The following MALRD1 variants were observed in gnomAD, a reference collection of about 807,000 sequenced individuals.
MALRD1 encodes the protein MAM and LDL receptor class A domain containing 1, also known as MAM and LDL-receptor class A domain-containing protein 1.
A neutral mutation model predicts 242.1 loss-of-function variants in MALRD1; 247 were observed. That is an observed-to-expected ratio of 1.02 (90% CI 0.92 to 1.13). MALRD1 has a LOEUF of 1.13. Ranked by LOEUF, MALRD1 falls within the 50% of genes most tolerant of loss-of-function variation. MALRD1 has a pLI of 0.00. For synonymous variants in MALRD1, 995 were observed against 866.6 expected (o/e 1.15, Z -2.60); for missense variants, 2,989 against 2,533.1 (o/e 1.18, Z -3.86).
chr10:19,239,275 T>A (rs11597026), intron 18 of MALRD1, among the ~76,000 whole-genome samples: 19,953 of 152,032 alleles, frequency 0.13, 1,655 homozygotes, highest in Admixed American at 0.27. Context: ...GGTCAGGCTG[T>A]TCTCAAACTC....
In MALRD1 at chr10:19,545,137, T is replaced by C. The variant is rs554010957; in HGVS notation, c.5478+13786T>C. 2.0e-5 allele frequency among the ~76,000 whole-genome samples: 3 copies of C among 152,298 alleles called. No homozygotes were observed. The East Asian group carries it at 5.8e-4, about 29-fold the overall frequency. On this transcript the variant is annotated intron_variant, in intron 32 of 39. Transcript: ENST00000454679. The stretch of plus-strand genomic sequence containing the variant: ...CCTTTCCACTGTCCTCACAAGGTCT[T>C]CCCTCTATGCAGGCATATCTATCCC...
At chr10:19,502,617 A>AT (rs902506426) in intron 31 of MALRD1, among the ~76,000 whole-genome samples, 4 of 152,288 alleles carry the variant, frequency 2.6e-5, no homozygotes, top group Admixed American at 2.6e-4. Flanking sequence ...AATATATGGG[A>AT]TTTTTTGAGA....
At chr10:19,344,588 C>T (rs922516672) in intron 24 of MALRD1, among the ~76,000 whole-genome samples, 1 of 151,828 alleles carries the variant, frequency 6.6e-6, no homozygotes, top group Non-Finnish European at 1.5e-5. Flanking sequence ...ATTAATTCCT[C>T]CTAATTCATT....
At chr10:19,150,924 C>T (rs1353969942) in intron 11 of MALRD1, among the ~76,000 whole-genome samples, 4 of 152,002 alleles carry the variant, frequency 2.6e-5, no homozygotes, top group Non-Finnish European at 5.9e-5. Context: ...AGGATACTTT[C>T]GATTTTATGC....
At chr10:19,361,581 A>G (rs1591343) in intron 26 of MALRD1, among the ~76,000 whole-genome samples, 118,674 of 151,676 alleles carry the variant, frequency 0.78, 46,987 homozygotes, top group African/African-American at 0.9. Context: ...TAACTAGGAT[A>G]TTTAACTGAA....
chr10:19,254,923 T>C (rs1839438339), intron 18 of MALRD1, among the ~76,000 whole-genome samples: 1 of 152,034 alleles, frequency 6.6e-6, no homozygotes, highest in African/African-American at 2.4e-5. Context: ...AAACATGTGT[T>C]TGTATGTGAG....
Position 19,123,539 on chromosome 10 carries a change from T to C in MALRD1, c.742T>C (p.Cys248Arg), listed in dbSNP as rs1837143889. 7 of 1,233,716 alleles carry C rather than the reference T, an allele frequency of 5.7e-6. No homozygotes were observed. The highest frequency in any genetic ancestry group is 7.1e-6 in the Non-Finnish European group (7 of 988,082). The allele number at this position is 1,233,716 out of a possible 1,614,324, so 76.4% of individuals were successfully genotyped here. The change falls in exon 6 of 40, where the codon TGC (cysteine) becomes CGC (arginine). Residue 248 changes from cysteine (C) to arginine (R), a missense_variant. Physicochemically the swap from Cys to Arg is radical, Grantham distance 180 (BLOSUM62 -3). Transcript: ENST00000454679. ...AGCATTGAATGCTGAGCGGGAGCTA[T>C]GCCATCCAGATACAGATCTCTGCAG... Reference protein sequence around the residue: ...QEALNAERELCHPDTDLCRFD... With the variant: ...QEALNAERELRHPDTDLCRFD...
chr10:19,657,131 C>A (rs1376817923), intron 36 of MALRD1, among the ~76,000 whole-genome samples: 1 of 152,114 alleles, frequency 6.6e-6, no homozygotes, highest in Non-Finnish European at 1.5e-5. Context: ...ATTCCTTTAC[C>A]CTTGATACTG....
intron 28 of MALRD1, among the ~76,000 whole-genome samples, chr10:19,407,408 G>GGAGT (rs1206095277): frequency 1.3e-5 from 2 of 152,110 alleles, no homozygotes; most frequent in Non-Finnish European, 2.9e-5. Context: ...CTGGAGCGCA[G>GGAGT]GAGTTCAAGG....
intron 21 of MALRD1, among the ~76,000 whole-genome samples, chr10:19,304,396 A>G (rs1173635475): frequency 1.3e-5 from 2 of 151,386 alleles, no homozygotes; most frequent in African/African-American, 4.8e-5. Flanking sequence ...ATCATCATCT[A>G]TCTATATCCT....
chr10:19,608,039 A>G, intron 35 of MALRD1, 137 bp downstream of exon 35: 2 of 1,213,476 alleles, frequency 1.6e-6, no homozygotes, highest in Non-Finnish European at 2.2e-6. Flanking sequence ...GTTTGGGGGC[A>G]GAAAGAATGT....
At chr10:19,271,603 AAC>A (rs1302398638) in intron 19 of MALRD1, among the ~76,000 whole-genome samples, 1 of 152,100 alleles carries the variant, frequency 6.6e-6, no homozygotes, top group African/African-American at 2.4e-5. Flanking sequence ...CTCTACCAAA[AAC>A]ACAAAAAACT....
At chr10:19,691,501 C>G (rs930508323) in intron 36 of MALRD1, among the ~76,000 whole-genome samples, 2 of 152,070 alleles carry the variant, frequency 1.3e-5, no homozygotes, top group African/African-American at 2.4e-5. Context: ...GTGAAGGTGG[C>G]AGGAAATTTG....
chr10:19,408,910 C>G (rs535947822), intron 28 of MALRD1, among the ~76,000 whole-genome samples: 1 of 152,284 alleles, frequency 6.6e-6, no homozygotes, highest in Admixed American at 6.5e-5. Context: ...ACTAAACATG[C>G]AATACCATAT....
chr10:19,280,343 T>G (rs1840744911), intron 20 of MALRD1, 120 bp downstream of exon 20: 1 of 679,998 alleles, frequency 1.5e-6, no homozygotes, highest in African/African-American at 1.9e-5. Context: ...TAGAGCAACT[T>G]CTAAATGTAA....
At position 19,498,494 on chromosome 10, in the gene MALRD1, C is replaced by T; in HGVS notation, c.5168C>T (p.Thr1723Ile). The T allele has an allele frequency of 6.5e-7, 1 of 1,549,732 alleles. No homozygotes were observed. Among genetic ancestry groups the T allele is most frequent in the Non-Finnish European group, 8.7e-7 (1 of 1,146,410 alleles). ...GTTTTTGCTTCCCCAGCACATTATA[C>T]AAGCACAACAGGAAGCTGCAATTTT... is the stretch of plus-strand genomic sequence containing the variant. ...RSDEAHCAHYTSTTGSCNFET... is the reference protein window; with the variant it reads ...RSDEAHCAHYISTTGSCNFET... The change falls in exon 31 of 40, where the codon ACA becomes ATA. Residue 1723 changes from threonine to isoleucine, a missense_variant. By Grantham distance (89) the Thr-to-Ile change is moderately conservative (BLOSUM62 -1). Transcript: ENST00000454679.
intron 18 of MALRD1, among the ~76,000 whole-genome samples, chr10:19,211,684 C>CAAAAAAAAAA (rs71387056): frequency 5.9e-5 from 4 of 67,352 alleles, no homozygotes; most frequent in Admixed American, 2.6e-4. Flanking sequence ...TGACTCCTCA[C>CAAAAAAAAAA]AAAAAAAAAA....
intron 25 of MALRD1, 144 bp downstream of exon 25, chr10:19,348,162 G>C: frequency 1.9e-6 from 2 of 1,078,910 alleles, no homozygotes; most frequent in Non-Finnish European, 2.6e-6. Context: ...GTGAAGGGGG[G>C]AAAAAATGAA....
chr10:19,497,713 A>G (rs1274589632), intron 30 of MALRD1, among the ~76,000 whole-genome samples: 4 of 152,174 alleles, frequency 2.6e-5, no homozygotes, highest in African/African-American at 9.7e-5. Context: ...ATCTCAATTG[A>G]TTCATACCAA....
Sources: allele counts gnomAD v4.1 joint callset (sites outside exome capture counted in the v4.1 genomes callset), GRCh38; gene constraint gnomAD v4.1.1; transcripts MANE v1.5; gene names NCBI Gene and HGNC (gene_info 2026-07-23, HGNC 2026-07-21).